KCNH1: variants seen among roughly 807,000 people sequenced by gnomAD.
KCNH1 encodes voltage-gated delayed rectifier potassium channel KCNH1.
Under a neutral mutation model 69.2 loss-of-function variants are expected in KCNH1, and 27 were observed. The ratio of observed to expected loss-of-function variants is 0.39; its 90% CI spans 0.29 to 0.54. The LOEUF is 0.54. Among genes scored for constraint, KCNH1 ranks in the 20% least tolerant of loss-of-function variants. The probability of loss-of-function intolerance (pLI) is 0.68; values close to 1 mark genes in which losing one functional copy is unlikely to be tolerated. For synonymous variants in KCNH1, 456 were observed against 487.7 expected, an observed-to-expected ratio of 0.93 and a Z score of 0.86; for missense variants, 798 against 1,261.6, an observed-to-expected ratio of 0.63 and a Z score of 5.57.
intron 7 of KCNH1, among the ~76,000 whole-genome samples, chr1:210,883,056 G>A (rs1220731855): frequency 6.6e-6 from 1 of 152,154 alleles, no homozygotes; most frequent in Non-Finnish European, 1.5e-5. Flanking sequence ...CCTAACAAAT[G>A]AAGTCACCTG....
At chr1:210,752,790 T>TA (rs1194399258) in intron 10 of KCNH1, among the ~76,000 whole-genome samples, 4 of 152,166 alleles carry the variant, frequency 2.6e-5, no homozygotes, top group Non-Finnish European at 4.4e-5. Context: ...TAAACCCTGG[T>TA]ACCTATGAAT....
intron 5 of KCNH1, among the ~76,000 whole-genome samples, chr1:211,079,033 T>C (rs375873776): frequency 6.6e-6 from 1 of 151,658 alleles, no homozygotes; most frequent in Non-Finnish European, 1.5e-5. Context: ...AGGAGCTGGT[T>C]TTTTGAAAAG....
chr1:210,982,684 G>A (rs1688737645), intron 6 of KCNH1, among the ~76,000 whole-genome samples: 1 of 152,160 alleles, frequency 6.6e-6, no homozygotes, highest in South Asian at 2.1e-4. Context: ...GGACATTTGG[G>A]TTGGTTCCAA....
chr1:210,988,259 A>C (rs1414264876), intron 6 of KCNH1, among the ~76,000 whole-genome samples: 1 of 152,060 alleles, frequency 6.6e-6, no homozygotes, highest in Non-Finnish European at 1.5e-5. Context: ...GCCCTGCTTC[A>C]GATCACACAT....
At chr1:210,971,818 GTATATATACTTCATACTTAAAGA>G (rs1333719350) in intron 6 of KCNH1, among the ~76,000 whole-genome samples, 4 of 151,878 alleles carry the variant, frequency 2.6e-5, no homozygotes, top group Admixed American at 1.3e-4. Flanking sequence ...TGTACTTTAT[GTATATATACTTCATACTTAAAGA>G]TATATATACT....
At chr1:211,061,360 C>T (rs140353155) in intron 5 of KCNH1, among the ~76,000 whole-genome samples, 1,832 of 152,030 alleles carry the variant, frequency 0.012, 38 homozygotes, top group African/African-American at 0.041. Flanking sequence ...AGTATAATAC[C>T]GAATGGGGAA....
intron 3 of KCNH1, among the ~76,000 whole-genome samples, chr1:211,091,189 C>T (rs1191260444): frequency 6.6e-6 from 1 of 152,086 alleles, no homozygotes; most frequent in Non-Finnish European, 1.5e-5. Context: ...CACACATGGG[C>T]CAGAAACTAT....
chr1:210,812,712 G>A (rs1574271769), intron 7 of KCNH1, among the ~76,000 whole-genome samples: 1 of 152,244 alleles, frequency 6.6e-6, no homozygotes, highest in African/African-American at 2.4e-5. Flanking sequence ...CACTCAAAGT[G>A]GTCCAGAGAC....
intron 6 of KCNH1, among the ~76,000 whole-genome samples, chr1:210,922,241 G>T (rs558844434): frequency 2.4e-4 from 37 of 152,038 alleles, no homozygotes; most frequent in Non-Finnish European, 1.9e-4. Context: ...ACTTAGCCAG[G>T]CGTGGTGGCA....
chr1:210,967,921 G>A (rs1244529027), intron 6 of KCNH1, among the ~76,000 whole-genome samples: 1 of 151,306 alleles, frequency 6.6e-6, no homozygotes, highest in Non-Finnish European at 1.5e-5. Flanking sequence ...CATTGTGCAG[G>A]TTAGTTACAT....
chr1:210,866,671 A>G (rs1279144259), intron 7 of KCNH1, among the ~76,000 whole-genome samples: 1 of 152,128 alleles, frequency 6.6e-6, no homozygotes, highest in Non-Finnish European at 1.5e-5. Flanking sequence ...AGTGGTGCAG[A>G]TGCTTTGGAA....
rs1191803399 is a variant in KCNH1, at chr1:210,872,165, A to T, written c.1462+47475T>A. The stretch of plus-strand genomic sequence containing the variant: ...GAAGAGCACCAAAAAAAAAAAAAAA[A>T]AAAGATCAAGCAAGATAATCGATGT... On this transcript the variant is annotated intron_variant, in intron 7 of 10. Coordinates refer to ENST00000271751, the MANE Select transcript of KCNH1 (RefSeq NM_172362.3). Among the ~76,000 whole-genome samples, 7 of 151,912 alleles carry T rather than the reference A, an allele frequency of 4.6e-5. No homozygotes were observed. The East Asian group carries it at 1.4e-3, about 29-fold the overall frequency.
At chr1:210,985,119 C>T (rs12028657) in intron 6 of KCNH1, among the ~76,000 whole-genome samples, 11,875 of 152,122 alleles carry the variant, frequency 0.078, 846 homozygotes, top group East Asian at 0.39. Context: ...TCTGTGGGAT[C>T]GGTGGTGATA....
chr1:210,703,780 C>T (rs1413994368), intron 10 of KCNH1, among the ~76,000 whole-genome samples: 2 of 152,176 alleles, frequency 1.3e-5, no homozygotes, highest in Admixed American at 1.3e-4. Flanking sequence ...AACACCTGAT[C>T]TTTGAGGGAC....
intron 10 of KCNH1, among the ~76,000 whole-genome samples, chr1:210,723,096 A>C (rs978586983): frequency 6.6e-6 from 1 of 152,188 alleles, no homozygotes; most frequent in Non-Finnish European, 1.5e-5. Context: ...AAAGTACTTA[A>C]ATCAACAAGG....
At chr1:210,973,968 T>C (rs1688557125) in intron 6 of KCNH1, among the ~76,000 whole-genome samples, 3 of 152,178 alleles carry the variant, frequency 2.0e-5, no homozygotes, top group South Asian at 4.1e-4. Context: ...TTGCCATCTA[T>C]TACTGAGTTA....
In KCNH1 at chr1:210,925,426, A is replaced by C. The variant is rs573263095; in HGVS notation, c.1033-5357T>G. 3.9e-5 allele frequency among the ~76,000 whole-genome samples: 6 copies of C among 152,270 alleles called. No individual in the cohort carries two copies. In the South Asian group the frequency reaches 1.2e-3, roughly 32 times the overall value. The stretch of plus-strand genomic sequence containing the variant: ...CTACAGGCTCCTTGATATGCCAAAA[A>C]CCTGTGAGTCGGCTTGCTTTCTCAG... On this transcript the variant is annotated intron_variant, in intron 6 of 10. Transcript: ENST00000271751.
rs142285752 is a variant in KCNH1, at chr1:211,060,156, GA to G, written c.558+22623del. Among the ~76,000 whole-genome samples, 1,299 of 151,896 alleles carry G rather than the reference GA, an allele frequency of 8.6e-3. 18 individuals are homozygous for G. Among genetic ancestry groups the G allele is most frequent in the African/African-American group, 0.029 (1,208 of 41,472 alleles). ...ATCAGCGGGTCAATGAAGAAATGAA[GA>G]AGAAAATTGAAAAATTTCTTGAAAC... On this transcript the variant is annotated intron_variant, in intron 5 of 10. Transcript: ENST00000271751.
In KCNH1 at chr1:211,018,798, C is replaced by G; in HGVS notation, c.1017G>C (p.Glu339Asp). 1 of 1,608,992 alleles carries G rather than the reference C, an allele frequency of 6.2e-7. No homozygotes were observed. ...AGGGATGTACCTGACTCTCTCTCCC[C>G]TCCAGTGGTGGTGGAATCTGATCAG... is the stretch of plus-strand genomic sequence containing the variant. The part of the protein sequence containing the change: ...GFADQIPPPL[E>D]GRESQGISSL... Residue 339 changes from glutamate (E) to aspartate (D), a missense_variant, in exon 6 of 11, where the codon GAG (glutamate) becomes GAC (aspartate). This residue lies in a region of KCNH1 where 266 missense variants were observed against 457.2 expected (regional missense o/e 0.58). Transcript: ENST00000271751.
Sources: allele counts gnomAD v4.1 joint callset (sites outside exome capture counted in the v4.1 genomes callset), GRCh38; gene constraint gnomAD v4.1.1; regional missense constraint gnomAD v4.1.1; transcripts MANE v1.5; gene names NCBI Gene and HGNC (gene_info 2026-07-23, HGNC 2026-07-21).